The following MVB12B variants were observed in gnomAD, a reference collection of about 807,000 sequenced individuals.
The protein encoded by MVB12B is ESCRT-I complex subunit MVB12B.
In MVB12B, 16 loss-of-function variants were observed where a neutral mutation model predicts 41.6. The observed-to-expected ratio is 0.38, with a 90% CI of 0.26 to 0.58. The LOEUF (loss-of-function observed/expected upper bound fraction) is 0.58, where lower values mean the gene tolerates loss of function less well. Among genes scored for constraint, MVB12B ranks in the 20% least tolerant of loss-of-function variants. The pLI, the probability that MVB12B is intolerant of heterozygous loss-of-function variation, is 0.62. For synonymous variants in MVB12B, 133 were observed against 139.7 expected (o/e 0.95, Z 0.34); for missense variants, 274 against 380.2 (o/e 0.72, Z 2.32).
intron 7 of MVB12B, among the ~76,000 whole-genome samples, chr9:126,446,989 G>A (rs1832788712): frequency 7.2e-6 from 1 of 139,460 alleles, no homozygotes; most frequent in South Asian, 2.2e-4. Flanking sequence ...CTGTTGTCCA[G>A]GCTGGAGTGC....
chr9:126,341,719 G>A (rs562240024), intron 2 of MVB12B, among the ~76,000 whole-genome samples: 1 of 152,256 alleles, frequency 6.6e-6, no homozygotes, highest in East Asian at 1.9e-4. Context: ...AGCATTCCTG[G>A]CCTCTCCTTA....
intron 2 of MVB12B, among the ~76,000 whole-genome samples, chr9:126,344,290 A>G (rs1288709168): frequency 1.3e-5 from 2 of 152,194 alleles, no homozygotes; most frequent in East Asian, 3.8e-4. Context: ...AATTGGGGGT[A>G]AGTGCTTTGA....
chr9:126,348,857 A>G (rs376885037), intron 2 of MVB12B, among the ~76,000 whole-genome samples: 1 of 152,134 alleles, frequency 6.6e-6, no homozygotes, highest in African/African-American at 2.4e-5. Context: ...CAATGTTACA[A>G]CCAGGATACT....
At chr9:126,336,148 T>C (rs574307) in intron 1 of MVB12B, among the ~76,000 whole-genome samples, 151,704 of 152,382 alleles carry the variant, frequency 1, 75,521 homozygotes, top group Middle Eastern at 1. Context: ...CACACCCCGC[T>C]GCTGGAAGAG....
At position 126,391,989 on chromosome 9, in the gene MVB12B, CAG is replaced by C; in HGVS notation, c.410-76_410-75del. The C allele has an allele frequency of 2.6e-6, 4 of 1,541,302 alleles. No homozygotes were observed. The highest frequency in any genetic ancestry group is 3.6e-6 in the Non-Finnish European group (4 of 1,118,068). On this transcript the variant is annotated intron_variant, in intron 4 of 9. Coordinates refer to ENST00000361171, the MANE Select transcript of MVB12B (RefSeq NM_033446.3). The surrounding 1 kb of genome is among the most constrained non-coding windows in gnomAD (Gnocchi z 4.4). ...TTCTGCTGCCAGGAATAGGGCGTGACAGGGGATGTGGTTTTCAGAATAGAGAT... is the reference window on the plus strand; with the variant it reads ...TTCTGCTGCCAGGAATAGGGCGTGACGGGATGTGGTTTTCAGAATAGAGAT...
intron 6 of MVB12B, among the ~76,000 whole-genome samples, chr9:126,411,251 C>G (rs947049081): frequency 6.6e-6 from 1 of 152,156 alleles, no homozygotes; most frequent in Admixed American, 6.5e-5. Flanking sequence ...TATGGCCTAT[C>G]TTTTGATATT....
intron 2 of MVB12B, among the ~76,000 whole-genome samples, chr9:126,346,442 C>T (rs902880319): frequency 3.9e-5 from 6 of 152,054 alleles, no homozygotes; most frequent in Admixed American, 2.0e-4. Flanking sequence ...TGGGTAGATG[C>T]TGGGGTTCTC....
At chr9:126,448,637 A>G (rs1279887802) in intron 7 of MVB12B, among the ~76,000 whole-genome samples, 3 of 152,192 alleles carry the variant, frequency 2.0e-5, no homozygotes, top group Non-Finnish European at 2.9e-5. Context: ...TCATGGTGGA[A>G]GGCAAAGGGG....
At chr9:126,423,759 C>T (rs1832091979) in intron 7 of MVB12B, among the ~76,000 whole-genome samples, 1 of 152,232 alleles carries the variant, frequency 6.6e-6, no homozygotes, top group Admixed American at 6.5e-5. Context: ...TGCCCGCCCA[C>T]CCACTGGCAG....
chr9:126,335,089 G>A lies in MVB12B; in HGVS notation c.82-5419G>A, dbSNP rs531881969. The stretch of plus-strand genomic sequence containing the variant: ...GAAGTGCTCACAATTGTTAGTTCCC[G>A]AGCTGGAAAATTCTTTGCGATCTAG... On this transcript the variant is annotated intron_variant, in intron 1 of 9. Coordinates refer to ENST00000361171, the MANE Select transcript of MVB12B (RefSeq NM_033446.3). 3.0e-5 allele frequency: 10 copies of A among 334,520 alleles called. No individual in the cohort carries two copies. In the East Asian group the frequency reaches 5.1e-4, roughly 17 times the overall value. The allele number at this position is 334,520 out of a possible 1,614,324, so 20.7% of individuals were successfully genotyped here.
At chr9:126,420,594 T>G (rs1196098199) in intron 6 of MVB12B, among the ~76,000 whole-genome samples, 3 of 76,996 alleles carry the variant, frequency 3.9e-5, no homozygotes, top group Non-Finnish European at 2.5e-5. Flanking sequence ...TTTTTTTTTT[T>G]GAGGCAGAGT....
intron 2 of MVB12B, among the ~76,000 whole-genome samples, chr9:126,347,123 A>C (rs1188763916): frequency 6.6e-6 from 1 of 152,256 alleles, no homozygotes; most frequent in South Asian, 2.1e-4. Context: ...GGAACCAAAG[A>C]AAGGGAGGGG....
At chr9:126,397,254 TAAAG>T in intron 6 of MVB12B, 1 of 985,452 alleles carries the variant, frequency 1.0e-6, no homozygotes, top group Non-Finnish European at 1.2e-6. Flanking sequence ...TTTCTGTGGT[TAAAG>T]AAAGAACACC....
At chr9:126,343,831 C>T (rs1473877916) in intron 2 of MVB12B, among the ~76,000 whole-genome samples, 1 of 152,078 alleles carries the variant, frequency 6.6e-6, no homozygotes, top group African/African-American at 2.4e-5. Context: ...GCAGGACAAT[C>T]GATTGAACCC....
chr9:126,346,873 A>G (rs1270492081), intron 2 of MVB12B, among the ~76,000 whole-genome samples: 1 of 152,248 alleles, frequency 6.6e-6, no homozygotes, highest in East Asian at 1.9e-4. Flanking sequence ...AAGGGTGTCC[A>G]TTGGGTTTAA....
rs1468731142 is a variant in MVB12B at position 126,389,578 on chromosome 9, C to T, written c.410-2488C>T. On this transcript the variant is annotated intron_variant, in intron 4 of 9. Transcript: ENST00000361171. This position sits in a 1 kb window ranked among gnomAD's most constrained non-coding sequence, Gnocchi z 4.4. The stretch of plus-strand genomic sequence containing the variant: ...CCATCTCTTAACCCCGAGTTTGCTG[C>T]AGACGGAAGAATGGAGCCAAGAGCA... Among the ~76,000 whole-genome samples the T allele has an allele frequency of 6.6e-6, 1 of 152,188 alleles. No individual in the cohort carries two copies. Among genetic ancestry groups the T allele is most frequent in the Non-Finnish European group, 1.5e-5 (1 of 68,020 alleles).
At chr9:126,502,116 A>T (rs1175889841) in intron 9 of MVB12B, among the ~76,000 whole-genome samples, 1 of 152,132 alleles carries the variant, frequency 6.6e-6, no homozygotes, top group Non-Finnish European at 1.5e-5. Context: ...TCAAATAAAT[A>T]CTTCAAATGC....
chr9:126,467,775 C>A (rs948218496), intron 7 of MVB12B, among the ~76,000 whole-genome samples: 1 of 152,162 alleles, frequency 6.6e-6, no homozygotes, highest in Non-Finnish European at 1.5e-5. Flanking sequence ...TCTTTGAGAA[C>A]CTCTTTACTT....
intron 2 of MVB12B, among the ~76,000 whole-genome samples, chr9:126,374,785 A>G (rs1564296127): frequency 6.6e-6 from 1 of 152,364 alleles, no homozygotes; most frequent in East Asian, 1.9e-4. Context: ...ATTGCTAGTC[A>G]TGTCCCTGAT....
Sources: gnomAD v4.1 joint callset for allele counts (sites outside exome capture counted in the v4.1 genomes callset) on GRCh38, gnomAD v4.1.1 for gene constraint, Gnocchi (gnomAD v3.1) non-coding constraint, MANE v1.5 for transcripts, NCBI Gene and HGNC (gene_info 2026-07-23, HGNC 2026-07-21) for gene names.